PDZD2: variants seen among roughly 807,000 people sequenced by gnomAD.
The protein encoded by PDZD2 is PDZ domain containing 2, also known as PDZ domain-containing protein 2.
PDZD2 carries 90 observed loss-of-function variants against 220.7 expected under a neutral mutation model. The observed-to-expected ratio is 0.41, with a 90% CI of 0.34 to 0.49. The LOEUF is 0.49. PDZD2 is among the 20% of genes least tolerant of loss of function. PDZD2 has a pLI of 0.28. For synonymous variants in PDZD2, 1,375 were observed against 1,450.5 expected, an observed-to-expected ratio of 0.95 and a Z score of 1.18; for missense variants, 3,174 against 3,608.5, an observed-to-expected ratio of 0.88 and a Z score of 3.08.
intron 2 of PDZD2, chr5:31,854,905 C>A: frequency 1.1e-6 from 1 of 876,760 alleles, no homozygotes. Flanking sequence ...CACCGCGGCG[C>A]GGAGGGAGGA....
chr5:31,992,161 A>G (rs1751267157), intron 3 of PDZD2, among the ~76,000 whole-genome samples: 1 of 152,194 alleles, frequency 6.6e-6, no homozygotes, highest in African/African-American at 2.4e-5. Flanking sequence ...GGAAACTTGC[A>G]TTAATTTCTT....
At chr5:32,081,591 A>T (rs1457009378) in intron 19 of PDZD2, among the ~76,000 whole-genome samples, 1 of 152,136 alleles carries the variant, frequency 6.6e-6, no homozygotes, top group African/African-American at 2.4e-5. Context: ...CTCCTTCCCA[A>T]TGAAAAGGCT....
intron 2 of PDZD2, among the ~76,000 whole-genome samples, chr5:31,851,770 C>G (rs1758067808): frequency 6.6e-6 from 1 of 152,184 alleles, no homozygotes; most frequent in Admixed American, 6.6e-5. Context: ...AAAGACGCAC[C>G]AGATCATATC....
At chr5:31,743,683 C>T (rs1193579645) in intron 1 of PDZD2, among the ~76,000 whole-genome samples, 1 of 152,100 alleles carries the variant, frequency 6.6e-6, no homozygotes, top group Admixed American at 6.6e-5. Flanking sequence ...TCACCTGTTC[C>T]TTCATCCTTC....
intron 8 of PDZD2, among the ~76,000 whole-genome samples, chr5:32,052,156 GT>G (rs1009666469): frequency 6.6e-6 from 1 of 152,148 alleles, no homozygotes; most frequent in African/African-American, 2.4e-5. Context: ...TCTTCCGATA[GT>G]TTTTTTGAGA....
At chr5:31,839,627 C>T (rs150601560) in intron 2 of PDZD2, among the ~76,000 whole-genome samples, 46 of 152,276 alleles carry the variant, frequency 3.0e-4, no homozygotes, top group African/African-American at 1.1e-3. Flanking sequence ...GTGGGCAGAT[C>T]GCTTGAGCAT....
intron 1 of PDZD2, among the ~76,000 whole-genome samples, chr5:31,677,194 T>C (rs949066969): frequency 3.3e-5 from 5 of 152,068 alleles, no homozygotes; most frequent in African/African-American, 4.8e-5. Context: ...GCCGAGGCGG[T>C]GGGGAATGAC....
chr5:31,928,284 A>G (rs1425808181), intron 2 of PDZD2, among the ~76,000 whole-genome samples: 1 of 152,136 alleles, frequency 6.6e-6, no homozygotes, highest in Non-Finnish European at 1.5e-5. Context: ...AATAGCTAGT[A>G]AACACTTCTG....
Position 31,825,015 on chromosome 5 carries a change from G to C in PDZD2, c.476+25291G>C, listed in dbSNP as rs1756128728. 2.0e-5 allele frequency among the ~76,000 whole-genome samples: 3 copies of C among 152,110 alleles called. No individual in the cohort carries two copies. The South Asian group carries it at 6.2e-4, about 32-fold the overall frequency. On this transcript the variant is annotated intron_variant, in intron 2 of 24. Transcript: ENST00000438447. ...CTGCAGTTCCATATGTGCTAAATTT[G>C]TTTAGTATCACATGACACTGGCCCT...
At chr5:31,915,254 C>CA (rs1418978093) in intron 2 of PDZD2, among the ~76,000 whole-genome samples, 1 of 151,488 alleles carries the variant, frequency 6.6e-6, no homozygotes, top group African/African-American at 2.4e-5. Flanking sequence ...GACATCCAGG[C>CA]AAAAAAATGA....
chr5:32,080,391 A>G (rs1025312253), intron 19 of PDZD2, among the ~76,000 whole-genome samples: 1 of 144,440 alleles, frequency 6.9e-6, no homozygotes, highest in Non-Finnish European at 1.5e-5. Flanking sequence ...AGGGGTTTCT[A>G]TTTGAGGGAG....
At position 31,661,028 on chromosome 5, in the gene PDZD2, C is replaced by T. The variant is rs188017686; in HGVS notation, c.-361+21591C>T. Among the ~76,000 whole-genome samples the T allele has an allele frequency of 1.7e-3, 266 of 152,300 alleles. 1 individual carries two copies. The highest frequency in any genetic ancestry group is 6.1e-3 in the African/African-American group (254 of 41,566). On this transcript the variant is annotated intron_variant, in intron 1 of 24. Transcript: ENST00000438447. ...GGATAACAGGCATGAGCCACTGTGA[C>T]GGGCCTATAAGAAGTAATTCTTGTA... is the stretch of plus-strand genomic sequence containing the variant.
chr5:31,829,233 G>A lies in PDZD2; in HGVS notation c.476+29509G>A, dbSNP rs148350807. 4.8e-3 allele frequency among the ~76,000 whole-genome samples: 730 copies of A among 152,024 alleles called. 3 individuals are homozygous for A. Among genetic ancestry groups the A allele is most frequent in the Non-Finnish European group, 7.3e-3 (499 of 67,982 alleles). ...TCTTATAGAGGTGTGGATTTTTGGA[G>A]GTCTTTATTTTTATCATTCCAGAAG... On this transcript the variant is annotated intron_variant, in intron 2 of 24. Transcript: ENST00000438447.
intron 2 of PDZD2, among the ~76,000 whole-genome samples, chr5:31,822,254 AC>A (rs199832034): frequency 0.013 from 1,952 of 149,662 alleles, 30 homozygotes; most frequent in African/African-American, 0.043. Context: ...ACATACACAA[AC>A]TTTTTTTCAC....
intron 1 of PDZD2, among the ~76,000 whole-genome samples, chr5:31,763,928 C>T (rs1627377): frequency 6.6e-6 from 1 of 150,426 alleles, no homozygotes; most frequent in Non-Finnish European, 1.5e-5. Context: ...GTAGTGAGCT[C>T]GGGCTCTGAC....
At chr5:31,742,479 T>C (rs902866262) in intron 1 of PDZD2, among the ~76,000 whole-genome samples, 2 of 150,908 alleles carry the variant, frequency 1.3e-5, no homozygotes, top group Non-Finnish European at 2.9e-5. Flanking sequence ...TGGAGCCCAG[T>C]TGGAGCCCAT....
intron 2 of PDZD2, among the ~76,000 whole-genome samples, chr5:31,851,494 A>C (rs533239430): frequency 4.9e-4 from 74 of 152,300 alleles, no homozygotes; most frequent in Non-Finnish European, 9.0e-4. Context: ...TGAGGATACC[A>C]CTTTGAAATC....
At position 32,087,622 on chromosome 5, in the gene PDZD2, G is replaced by A; in HGVS notation, c.4174G>A (p.Ala1392Thr). Residue 1392 changes from alanine (A) to threonine (T), a missense_variant, in exon 20 of 25, where the codon GCC becomes ACC. Around this residue, in one of 4 missense-constraint regions of PDZD2, gnomAD observed 1,861 missense variants for 2,001.0 expected, o/e 0.93. Coordinates refer to ENST00000438447, the MANE Select transcript of PDZD2 (RefSeq NM_178140.4). The surrounding 1 kb of genome is among the most constrained non-coding windows in gnomAD (Gnocchi z 4.0). ...TTCTGTGTCCTCAAGGGCACCGCAG[G>A]CCAGCCTCTCCATGCTGCCATCCAC... ...ADSVSSRAPQ[A>T]SLSMLPSTDN... 1 of 1,613,944 alleles carries A rather than the reference G, an allele frequency of 6.2e-7. No individual in the cohort carries two copies. The highest frequency in any genetic ancestry group is 1.1e-5 in the South Asian group (1 of 91,072).
At chr5:31,796,409 C>T (rs1426628750) in intron 1 of PDZD2, among the ~76,000 whole-genome samples, 3 of 152,188 alleles carry the variant, frequency 2.0e-5, no homozygotes, top group African/African-American at 7.2e-5. Context: ...CACCGATCAA[C>T]TTCTCTATTT....
Sources: allele counts gnomAD v4.1 joint callset (sites outside exome capture counted in the v4.1 genomes callset), GRCh38; gene constraint gnomAD v4.1.1; regional missense constraint gnomAD v4.1.1; non-coding constraint Gnocchi (gnomAD v3.1); transcripts MANE v1.5; gene names NCBI Gene and HGNC (gene_info 2026-07-23, HGNC 2026-07-21).